SPAG16: variants seen among roughly 807,000 people sequenced by gnomAD.
The protein encoded by SPAG16 is sperm-associated antigen 16 protein.
In SPAG16, 86 loss-of-function variants were observed where a neutral mutation model predicts 80.4. That is an observed-to-expected ratio of 1.07 (90% confidence interval 0.90 to 1.28). The LOEUF (loss-of-function observed/expected upper bound fraction) is 1.28. Ranked by LOEUF, SPAG16 falls within the 50% of genes most tolerant of loss-of-function variation. The probability of loss-of-function intolerance (pLI) is 0.00; values close to 1 mark genes in which losing one functional copy is unlikely to be tolerated. For missense variants in SPAG16, 870 were observed against 765.3 expected, an observed-to-expected ratio of 1.14 and a Z score of -1.61; for synonymous variants, 294 against 265.9, an observed-to-expected ratio of 1.11 and a Z score of -1.03.
intron 13 of SPAG16, among the ~76,000 whole-genome samples, chr2:214,077,098 T>C (rs1409718617): frequency 6.6e-6 from 1 of 152,186 alleles, no homozygotes; most frequent in Non-Finnish European, 1.5e-5. Flanking sequence ...CATCTTATAA[T>C]CTGATGATAC....
intron 15 of SPAG16, among the ~76,000 whole-genome samples, chr2:214,229,462 T>C (rs2125796400): frequency 6.6e-6 from 1 of 151,876 alleles, no homozygotes; most frequent in Non-Finnish European, 1.5e-5. Flanking sequence ...CTATTGTCTG[T>C]ATATTATATT....
rs775305148 is a variant in SPAG16 at position 213,779,111 on chromosome 2, A to G, written c.1071-83374A>G. On this transcript the variant is annotated intron_variant, in intron 10 of 15. Transcript: ENST00000331683. ...TCCAGTTTTCCCTTTAACTTTTCAC[A>G]CTTTAAAGAGATGTATTCTTTCCTA... 1.2e-4 allele frequency among the ~76,000 whole-genome samples: 19 copies of G among 152,162 alleles called. 2 individuals are homozygous for G. The highest frequency in any genetic ancestry group is 2.6e-4 in the Non-Finnish European group (18 of 68,034).
chr2:214,359,811 A>G (rs1699063307), intron 15 of SPAG16, among the ~76,000 whole-genome samples: 1 of 151,920 alleles, frequency 6.6e-6, no homozygotes, highest in Non-Finnish European at 1.5e-5. Context: ...TTTGAGATAA[A>G]TTATTAAAAA....
In SPAG16 at chr2:214,128,430, G is replaced by T. The variant is rs934509616; in HGVS notation, c.1593+20169G>T. On this transcript the variant is annotated intron_variant, in intron 14 of 15. Coordinates refer to ENST00000331683, the MANE Select transcript of SPAG16 (RefSeq NM_024532.5). The stretch of plus-strand genomic sequence containing the variant: ...TAAGCTCTACTCAAGGCTTTTCATT[G>T]TCTGGTTATGCTCACTAGTGAGCCA... 4.6e-5 allele frequency among the ~76,000 whole-genome samples: 7 copies of T among 151,778 alleles called. No individual in the cohort carries two copies. The East Asian group carries it at 1.3e-3, about 29-fold the overall frequency.
intron 9 of SPAG16, among the ~76,000 whole-genome samples, chr2:213,388,680 T>A (rs558037860): frequency 1.5e-4 from 23 of 152,306 alleles, no homozygotes; most frequent in Non-Finnish European, 3.4e-4. Flanking sequence ...CATTTGTATT[T>A]CTATACACTA....
At chr2:214,192,983 C>T (rs984786829) in intron 15 of SPAG16, among the ~76,000 whole-genome samples, 1 of 151,950 alleles carries the variant, frequency 6.6e-6, no homozygotes, top group Non-Finnish European at 1.5e-5. Flanking sequence ...AGCCAAGTGA[C>T]GATGAAGTTT....
At chr2:213,905,639 C>A (rs924221954) in intron 11 of SPAG16, among the ~76,000 whole-genome samples, 1 of 152,026 alleles carries the variant, frequency 6.6e-6, no homozygotes, top group African/African-American at 2.4e-5. Context: ...AATTTCCTGC[C>A]CCCTATGTAT....
chr2:213,373,377 T>C (rs1357644609), intron 8 of SPAG16, among the ~76,000 whole-genome samples: 1 of 152,198 alleles, frequency 6.6e-6, no homozygotes, highest in East Asian at 1.9e-4. Flanking sequence ...AAAAACATTT[T>C]TTTTTCTGCC....
intron 10 of SPAG16, among the ~76,000 whole-genome samples, chr2:213,578,552 T>A (rs1213114369): frequency 6.6e-6 from 1 of 152,130 alleles, no homozygotes; most frequent in African/African-American, 2.4e-5. Flanking sequence ...AATCCTTATT[T>A]TATGAACTAC....
chr2:214,143,235 T>G (rs1368208440), intron 14 of SPAG16, among the ~76,000 whole-genome samples: 5 of 43,562 alleles, frequency 1.1e-4, no homozygotes, highest in Non-Finnish European at 2.0e-4. Context: ...TAGTTTTGGG[T>G]TTTTTTTTTT....
At chr2:213,614,698 C>T (rs2061539693) in intron 10 of SPAG16, among the ~76,000 whole-genome samples, 1 of 152,194 alleles carries the variant, frequency 6.6e-6, no homozygotes, top group African/African-American at 2.4e-5. Flanking sequence ...GATTAATCTT[C>T]TTCTTTCAGT....
intron 11 of SPAG16, among the ~76,000 whole-genome samples, chr2:213,912,992 C>A (rs749178517): frequency 1.5e-4 from 23 of 152,118 alleles, no homozygotes; most frequent in Non-Finnish European, 2.9e-4. Flanking sequence ...CACCTAGAGA[C>A]AATCAATCAA....
At chr2:214,330,523 A>C (rs1184503538) in intron 15 of SPAG16, among the ~76,000 whole-genome samples, 2 of 152,190 alleles carry the variant, frequency 1.3e-5, no homozygotes, top group East Asian at 3.9e-4. Flanking sequence ...GAATGAGAGA[A>C]ACAGAATTGT....
intron 9 of SPAG16, among the ~76,000 whole-genome samples, chr2:213,389,396 T>C (rs1264260727): frequency 6.6e-6 from 1 of 151,958 alleles, no homozygotes; most frequent in Non-Finnish European, 1.5e-5. Flanking sequence ...CAGGCAACAA[T>C]AGAAAAACTG....
chr2:214,369,494 T>C (rs769412034), intron 15 of SPAG16, among the ~76,000 whole-genome samples: 12 of 152,108 alleles, frequency 7.9e-5, no homozygotes, highest in Non-Finnish European at 1.8e-4. Flanking sequence ...TTCTACCTCC[T>C]TCTCCACTTA....
At chr2:213,361,439 G>A (rs929685774) in intron 7 of SPAG16, among the ~76,000 whole-genome samples, 1 of 150,664 alleles carries the variant, frequency 6.6e-6, no homozygotes. Context: ...TTTTAGGTCT[G>A]TCTGCTTGGA....
chr2:213,673,456 A>T (rs1429119177), intron 10 of SPAG16, among the ~76,000 whole-genome samples: 4 of 152,182 alleles, frequency 2.6e-5, no homozygotes, highest in African/African-American at 9.7e-5. Context: ...GAAAGATTCA[A>T]CTGTCTATTA....
intron 10 of SPAG16, among the ~76,000 whole-genome samples, chr2:213,706,138 G>C (rs1490838168): frequency 1.3e-5 from 2 of 152,194 alleles, no homozygotes; most frequent in African/African-American, 4.8e-5. Context: ...AACCACAGCA[G>C]AGATTTTGAA....
chr2:214,216,007 G>T (rs542607753), intron 15 of SPAG16, among the ~76,000 whole-genome samples: 103 of 152,296 alleles, frequency 6.8e-4, no homozygotes, highest in Admixed American at 2.8e-3. Flanking sequence ...TTAGTGAAAG[G>T]CCATTCTGGT....
Sources: allele counts gnomAD v4.1 joint callset (sites outside exome capture counted in the v4.1 genomes callset), GRCh38; gene constraint gnomAD v4.1.1; transcripts MANE v1.5; gene names NCBI Gene and HGNC (gene_info 2026-07-23, HGNC 2026-07-21).